SEC22A: variants seen among roughly 807,000 people sequenced by gnomAD.
SEC22A encodes the protein vesicle-trafficking protein SEC22a.
In SEC22A, 22 loss-of-function variants were observed where a neutral mutation model predicts 35.3. The ratio of observed to expected loss-of-function variants is 0.62; its 90% CI spans 0.45 to 0.89. The LOEUF is 0.89. SEC22A is among the 40% of genes least tolerant of loss of function. The pLI is 0.00. For missense variants in SEC22A, 354 were observed against 362.5 expected (o/e 0.98, Z 0.19); for synonymous variants, 119 against 129.5 (o/e 0.92, Z 0.55).
intron 1 of SEC22A, among the ~76,000 whole-genome samples, chr3:123,205,613 G>T (rs1232918277): frequency 6.6e-6 from 1 of 152,152 alleles, no homozygotes; most frequent in Non-Finnish European, 1.5e-5. Flanking sequence ...GCTTGAACCT[G>T]GGAGGCAGAG....
intron 1 of SEC22A, among the ~76,000 whole-genome samples, chr3:123,207,595 G>C (rs1350124285): frequency 6.6e-6 from 1 of 152,196 alleles, no homozygotes; most frequent in African/African-American, 2.4e-5. Flanking sequence ...GTTTTAAAAA[G>C]TATGGGCCTT....
intron 2 of SEC22A, among the ~76,000 whole-genome samples, chr3:123,210,030 T>C (rs1232971410): frequency 6.6e-6 from 1 of 151,942 alleles, no homozygotes; most frequent in Non-Finnish European, 1.5e-5. Flanking sequence ...ATTAATAGAG[T>C]TGCAGAAAGT....
intron 4 of SEC22A, among the ~76,000 whole-genome samples, chr3:123,226,430 A>G (rs1225452021): frequency 1.3e-5 from 2 of 152,072 alleles, no homozygotes; most frequent in Middle Eastern, 3.2e-3. Context: ...TTTGTTTTGC[A>G]TTTCTCTGAT....
At position 123,273,808 on chromosome 3, in the gene SEC22A, C is replaced by CAAAAAAAAAAAAAAAAAA. The variant is rs1433321578; in HGVS notation, c.*2092_*2093insAAAAAAAAAAAAAAAAAA. The CAAAAAAAAAAAAAAAAAA allele has an allele frequency of 6.6e-6, 1 of 151,636 alleles. No individual in the cohort carries two copies. The highest frequency in any genetic ancestry group is 2.4e-5 in the African/African-American group (1 of 41,044). 9.4% of individuals were successfully genotyped at this position (151,636 alleles called of 1,614,324 possible). ...TGGCCAACAGAGCGAGACTCTGTCT[C>CAAAAAAAAAAAAAAAAAA]AAAAAAGAAAGGTTTTCTAAACTAA... On this transcript the variant is annotated 3_prime_UTR_variant, in exon 7 of 7. Coordinates refer to ENST00000492595, the MANE Select transcript of SEC22A (RefSeq NM_012430.5).
At chr3:123,244,382 A>G (rs1194991034) in intron 4 of SEC22A, among the ~76,000 whole-genome samples, 1 of 152,218 alleles carries the variant, frequency 6.6e-6, no homozygotes, top group African/African-American at 2.4e-5. Flanking sequence ...TTCTTGTTAA[A>G]GGAGACTTAT....
chr3:123,253,315 G>A (rs908355900), intron 5 of SEC22A, among the ~76,000 whole-genome samples: 26 of 152,190 alleles, frequency 1.7e-4, no homozygotes, highest in South Asian at 1.2e-3. Flanking sequence ...AAGATTTCTC[G>A]GATTCTAAAA....
At chr3:123,223,842 T>C in intron 3 of SEC22A, 120 bp downstream of exon 3, 1 of 686,372 alleles carries the variant, frequency 1.5e-6, no homozygotes, top group Non-Finnish European at 2.3e-6. Flanking sequence ...AATAATTTGG[T>C]AAATGATCTA....
At chr3:123,234,434 A>G (rs1576493279) in intron 4 of SEC22A, among the ~76,000 whole-genome samples, 1 of 152,282 alleles carries the variant, frequency 6.6e-6, no homozygotes, top group South Asian at 2.1e-4. Context: ...ACATAGATCA[A>G]TGGAGTAGAA....
At chr3:123,254,140 A>C (rs1205296498) in intron 5 of SEC22A, among the ~76,000 whole-genome samples, 2 of 152,120 alleles carry the variant, frequency 1.3e-5, no homozygotes, top group African/African-American at 4.8e-5. Flanking sequence ...GTATCCTCCT[A>C]ATACATTGTG....
At chr3:123,235,736 A>G (rs1345227617) in intron 4 of SEC22A, among the ~76,000 whole-genome samples, 3 of 152,250 alleles carry the variant, frequency 2.0e-5, no homozygotes, top group Non-Finnish European at 2.9e-5. Flanking sequence ...TGAATGTAGC[A>G]TTATGCAAAA....
chr3:123,205,823 A>C (rs1238562884), intron 1 of SEC22A, among the ~76,000 whole-genome samples: 9 of 152,198 alleles, frequency 5.9e-5, no homozygotes, highest in African/African-American at 2.2e-4. Flanking sequence ...CTAATTGAGG[A>C]GTGATGTTTC....
chr3:123,228,617 CTG>C (rs1937258021), intron 4 of SEC22A, among the ~76,000 whole-genome samples: 2 of 150,320 alleles, frequency 1.3e-5, no homozygotes, highest in Non-Finnish European at 3.0e-5. Context: ...GACCCACACA[CTG>C]TGGGCATGGG....
rs1337856295 is a variant in SEC22A at position 123,272,293 on chromosome 3, GA to G, written c.*573del. On this transcript the variant is annotated 3_prime_UTR_variant, in exon 7 of 7. Coordinates refer to ENST00000492595, the MANE Select transcript of SEC22A (RefSeq NM_012430.5). Reference sequence around the variant, plus strand: ...TTAACTCTGGAAATCACCTGATGTAGAAGAAGACTGTGATGAGCTCGTCTGT... The same window carrying G: ...TTAACTCTGGAAATCACCTGATGTAGAGAAGACTGTGATGAGCTCGTCTGT... 6.6e-6 allele frequency: 1 copy of G among 152,420 alleles called. No homozygotes were observed. The highest frequency in any genetic ancestry group is 1.9e-4 in the East Asian group (1 of 5,200). 9.4% of individuals were successfully genotyped at this position (152,420 alleles called of 1,614,324 possible).
At chr3:123,262,558 T>G (rs1239778596) in intron 6 of SEC22A, among the ~76,000 whole-genome samples, 1 of 152,162 alleles carries the variant, frequency 6.6e-6, no homozygotes, top group African/African-American at 2.4e-5. Flanking sequence ...ACCATTCTGG[T>G]TTTCAGCACA....
intron 2 of SEC22A, among the ~76,000 whole-genome samples, chr3:123,217,382 TA>T (rs1937048817): frequency 7.0e-6 from 1 of 143,564 alleles, no homozygotes; most frequent in South Asian, 2.3e-4. Context: ...TGTATTTTTT[TA>T]TTTTTTTTTT....
chr3:123,232,220 A>T (rs1937336807), intron 4 of SEC22A, among the ~76,000 whole-genome samples: 1 of 152,214 alleles, frequency 6.6e-6, no homozygotes, highest in African/African-American at 2.4e-5. Flanking sequence ...ACCCTGGGTG[A>T]TAGAGCGAGG....
At chr3:123,203,674 G>T (rs1279062485) in intron 1 of SEC22A, among the ~76,000 whole-genome samples, 1 of 152,146 alleles carries the variant, frequency 6.6e-6, no homozygotes, top group Non-Finnish European at 1.5e-5. Flanking sequence ...TGTTGGTTTT[G>T]GGAGACTGAT....
chr3:123,226,741 T>A (rs1937223196), intron 4 of SEC22A, among the ~76,000 whole-genome samples: 1 of 152,214 alleles, frequency 6.6e-6, no homozygotes, highest in Non-Finnish European at 1.5e-5. Flanking sequence ...TGTCCACTTT[T>A]GCATTGGTTG....
At chr3:123,217,620 T>A (rs368430881) in intron 2 of SEC22A, among the ~76,000 whole-genome samples, 28 of 152,352 alleles carry the variant, frequency 1.8e-4, no homozygotes, top group South Asian at 1.4e-3. Flanking sequence ...CAAATGTGAC[T>A]ACAAAGGATA....
Sources: gnomAD v4.1 joint callset for allele counts (sites outside exome capture counted in the v4.1 genomes callset) on GRCh38, gnomAD v4.1.1 for gene constraint, MANE v1.5 for transcripts, NCBI Gene and HGNC (gene_info 2026-07-23, HGNC 2026-07-21) for gene names.